CFAP70: variants seen among roughly 807,000 people sequenced by gnomAD.
The protein encoded by CFAP70 is cilia- and flagella-associated protein 70.
A neutral mutation model predicts 137.6 loss-of-function variants in CFAP70; 81 were observed. That is an observed-to-expected ratio of 0.59 (90% confidence interval 0.49 to 0.71). The LOEUF (loss-of-function observed/expected upper bound fraction) is 0.71, where lower values mean the gene tolerates loss of function less well. Ranked by LOEUF, CFAP70 falls within the 30% of genes least tolerant of loss-of-function variation. The pLI, the probability that CFAP70 is intolerant of heterozygous loss-of-function variation, is 0.00. For synonymous variants in CFAP70, 382 were observed against 423.6 expected, an observed-to-expected ratio of 0.90 and a Z score of 1.20; for missense variants, 976 against 1,226.7, an observed-to-expected ratio of 0.80 and a Z score of 3.05.
rs142337465 is a variant in CFAP70 at position 73,275,653 on chromosome 10, T to C, written c.2521-55A>G. ...TATAAATGGCTGCATTGCGTCTTTT[T>C]CGGTTGAAGGATTCTGTCTCTGATA... is the stretch of plus-strand genomic sequence containing the variant. On this transcript the variant is annotated intron_variant, in intron 21 of 26. Coordinates refer to ENST00000310715, the Ensembl canonical transcript of CFAP70. The surrounding 1 kb of genome is among the most constrained non-coding windows in gnomAD (Gnocchi z 4.0). 1,600 of 1,403,424 alleles carry C rather than the reference T, an allele frequency of 1.1e-3. 17 individuals carry two copies. The African/African-American group carries it at 0.021, about 18-fold the overall frequency. The allele number at this position is 1,403,424 out of a possible 1,614,324, so 86.9% of individuals were successfully genotyped here. A position where few individuals can be genotyped will look rare whatever the true frequency, so the allele number is the denominator to read the frequency against.
At chr10:73,262,086 A>G (rs76043446) in intron 25 of CFAP70, among the ~76,000 whole-genome samples, 3,600 of 147,164 alleles carry the variant, frequency 0.024, 155 homozygotes, top group African/African-American at 0.083. Context: ...TTATATATGT[A>G]TATATATAAT....
At chr10:73,353,404 C>T (rs756343600) in intron 3 of CFAP70, 152 bp downstream of exon 3, 3 of 720,038 alleles carry the variant, frequency 4.2e-6, no homozygotes, top group Non-Finnish European at 6.8e-6. Flanking sequence ...CGTTTCAGTT[C>T]CTGCCTTGCT....
chr10:73,297,081 A>C lies in CFAP70; in HGVS notation c.1605T>G (p.Tyr535Ter). The stretch of plus-strand genomic sequence containing the variant: ...CATGCATCTGATCTACTAAGAACAC[A>C]TAGAGCTCACTGATAAATGTCTGAA... Residue 535 changes from tyrosine (Y) to a stop codon, truncating the protein, a stop_gained, in exon 15 of 27, where the codon TAT becomes TAG. Transcript: ENST00000310715. LOFTEE classifies it high-confidence loss of function. The C allele has an allele frequency of 6.2e-7, 1 of 1,613,954 alleles. No homozygotes were observed. The highest frequency in any genetic ancestry group is 8.5e-7 in the Non-Finnish European group (1 of 1,179,832).
chr10:73,334,682 C>A (rs1194404717), intron 7 of CFAP70, among the ~76,000 whole-genome samples: 2 of 151,490 alleles, frequency 1.3e-5, no homozygotes, highest in African/African-American at 4.9e-5. Context: ...TGGGTTCAAG[C>A]GATTCTCCTG....
intron 8 of CFAP70, 128 bp from the exon 10 acceptor site, chr10:73,323,225 T>G (rs2051039471): frequency 1.3e-6 from 1 of 780,802 alleles, no homozygotes; most frequent in Non-Finnish European, 1.8e-6. Flanking sequence ...TTATGTGACT[T>G]TGGGCCAGTT....
chr10:73,344,964 C>T (rs1284143559), intron 5 of CFAP70, 101 bp downstream of exon 6: 7 of 814,412 alleles, frequency 8.6e-6, no homozygotes, highest in Non-Finnish European at 1.3e-5. Flanking sequence ...CAGCTATTAG[C>T]AGTGCAATGC....
At chr10:73,320,598 G>A (rs2050761554) in intron 9 of CFAP70, among the ~76,000 whole-genome samples, 2 of 151,850 alleles carry the variant, frequency 1.3e-5, no homozygotes, top group African/African-American at 4.8e-5. Context: ...TGAAATGCTG[G>A]GATTACAGGT....
rs180824294 is a variant in CFAP70 at position 73,261,488 on chromosome 10, G to A, written c.3028-5072C>T. 1.2e-3 allele frequency among the ~76,000 whole-genome samples: 177 copies of A among 152,182 alleles called. 1 individual carries two copies. The highest frequency in any genetic ancestry group is 7.6e-4 in the Non-Finnish European group (52 of 67,998). ...GTCACGTCTTACGTGGATGGTAGCAGGCAAAAAGAAGCTTGTGTAGGGAAA... is the reference window on the plus strand; with the variant it reads ...GTCACGTCTTACGTGGATGGTAGCAAGCAAAAAGAAGCTTGTGTAGGGAAA... On this transcript the variant is annotated intron_variant, in intron 25 of 26. Transcript: ENST00000310715.
At chr10:73,281,077 C>T (rs572053022) in intron 19 of CFAP70, among the ~76,000 whole-genome samples, 2 of 152,186 alleles carry the variant, frequency 1.3e-5, no homozygotes, top group African/African-American at 4.8e-5. Flanking sequence ...TAGCTAATTC[C>T]ACACATTTTG....
At chr10:73,306,540 T>C (rs2049395131) in intron 12 of CFAP70, among the ~76,000 whole-genome samples, 1 of 152,098 alleles carries the variant, frequency 6.6e-6, no homozygotes, top group Non-Finnish European at 1.5e-5. Context: ...GTCACTGAGA[T>C]GACATATTTA....
chr10:73,315,730 C>A (rs2050287235), intron 9 of CFAP70, among the ~76,000 whole-genome samples: 3 of 152,056 alleles, frequency 2.0e-5, no homozygotes, highest in Admixed American at 6.6e-5. Flanking sequence ...CACACCCAGA[C>A]AACTTTTTTA....
At chr10:73,360,676 T>A (rs1210114455), upstream of CFAP70, among the ~76,000 whole-genome samples, 1 of 152,206 alleles carries the variant, frequency 6.6e-6, no homozygotes, top group Non-Finnish European at 1.5e-5. Context: ...TAATAAAGGT[T>A]CTCAAAATAA....
At chr10:73,292,308 T>A (rs372429668) in intron 16 of CFAP70, among the ~76,000 whole-genome samples, 1 of 152,172 alleles carries the variant, frequency 6.6e-6, no homozygotes, top group South Asian at 2.1e-4. Context: ...TAAAGATTCA[T>A]TGTATTGTAT....
intron 25 of CFAP70, among the ~76,000 whole-genome samples, chr10:73,269,214 G>A (rs1161101414): frequency 2.0e-5 from 3 of 152,042 alleles, no homozygotes; most frequent in East Asian, 3.9e-4. Flanking sequence ...AATAGGTAAA[G>A]CACCTATCAT....
chr10:73,323,619 C>T (rs1374038647), intron 8 of CFAP70, among the ~76,000 whole-genome samples: 1 of 152,216 alleles, frequency 6.6e-6, no homozygotes, highest in Non-Finnish European at 1.5e-5. Context: ...GTCACTCCCA[C>T]CCTAATACTG....
chr10:73,358,854 T>TGAGCTTCTGCGCC (rs1210150893), upstream of CFAP70: 1 of 152,292 alleles, frequency 6.6e-6, no homozygotes, highest in Non-Finnish European at 1.5e-5. Context: ...AGCGAGACGC[T>TGAGCTTCTGCGCC]GAGCTTCTGC....
intron 9 of CFAP70, 29 bp downstream of exon 10, chr10:73,322,934 A>G: frequency 1.3e-6 from 2 of 1,565,442 alleles, no homozygotes; most frequent in East Asian, 2.3e-5. Context: ...ATAAATTACC[A>G]TGATGATTTT....
At chr10:73,256,557 G>C (rs2044516571) in intron 25 of CFAP70, 141 bp from the exon 27 acceptor site, 1 of 803,958 alleles carries the variant, frequency 1.2e-6, no homozygotes, top group Admixed American at 2.8e-5. Context: ...TCTGAATTGA[G>C]AGGAAAAACT....
intron 19 of CFAP70, among the ~76,000 whole-genome samples, chr10:73,287,464 A>T (rs941850425): frequency 2.6e-5 from 4 of 152,182 alleles, no homozygotes; most frequent in South Asian, 2.1e-4. Flanking sequence ...CGATGCTTTG[A>T]TTATGTAGGA....
Sources: allele counts gnomAD v4.1 joint callset (sites outside exome capture counted in the v4.1 genomes callset), GRCh38; gene constraint gnomAD v4.1.1; non-coding constraint Gnocchi (gnomAD v3.1); transcripts MANE v1.5; gene names NCBI Gene and HGNC (gene_info 2026-07-23, HGNC 2026-07-21).